Variants in FBXL17 observed in about 807,000 individuals in gnomAD.
FBXL17 encodes the protein F-box and leucine rich repeat protein 17, also known as F-box/LRR-repeat protein 17.
In FBXL17, 22 loss-of-function variants were observed where a neutral mutation model predicts 66.2. The ratio of observed to expected loss-of-function variants is 0.33; its 90% CI spans 0.24 to 0.47. The LOEUF (loss-of-function observed/expected upper bound fraction) is 0.47. Among genes scored for constraint, FBXL17 ranks in the 20% least tolerant of loss-of-function variants. The pLI is 1.00. For missense variants in FBXL17, 878 were observed against 948.2 expected (o/e 0.93, Z 0.97); for synonymous variants, 474 against 400.5 (o/e 1.18, Z -2.19).
chr5:108,364,822 A>C lies in FBXL17; in HGVS notation c.1290T>G (p.Ile430Met). The change falls in exon 3 of 9, where the codon ATT becomes ATG. Residue 430 changes from isoleucine to methionine, a missense_variant. Ile to Met is a conservative substitution (Grantham distance 10, BLOSUM62 1). This residue lies in a region of FBXL17 where 236 missense variants were observed against 389.1 expected (regional missense o/e 0.61). Coordinates refer to ENST00000542267, the MANE Select transcript of FBXL17 (RefSeq NM_001163315.3). ...AAGGACAGTGAGAGGCAACCGCAAT[A>C]ATAGAGGTGTCAGAAAGCTGTTTAC... is the stretch of plus-strand genomic sequence containing the variant. ...YRCKQLSDTS[I>M]IAVASHCPLL... The C allele has an allele frequency of 1.1e-5, 18 of 1,612,898 alleles. No homozygotes were observed. Among genetic ancestry groups the C allele is most frequent in the Non-Finnish European group, 1.4e-5 (17 of 1,179,128 alleles).
chr5:108,064,710 T>C lies in FBXL17; in HGVS notation c.1746-43709A>G, dbSNP rs188572870. On this transcript the variant is annotated intron_variant, in intron 6 of 8. Coordinates refer to ENST00000542267, the MANE Select transcript of FBXL17 (RefSeq NM_001163315.3). ...TGAATTGCTAGTCTTGTCAGATTAG[T>C]TATTCTCACCCACTCAGAAATTTAT... Among the ~76,000 whole-genome samples, 344 of 152,340 alleles carry C rather than the reference T, an allele frequency of 2.3e-3. 4 individuals carry two copies. Among genetic ancestry groups the C allele is most frequent in the Non-Finnish European group, 1.6e-3 (109 of 68,028 alleles).
chr5:108,366,567 T>C (rs144987427), intron 2 of FBXL17, among the ~76,000 whole-genome samples: 1,861 of 97,454 alleles, frequency 0.019, 42 homozygotes, highest in African/African-American at 0.067. Context: ...GCGGGCTGGG[T>C]GGGGAGGGGG....
chr5:108,129,948 T>C (rs1750867603), intron 6 of FBXL17, among the ~76,000 whole-genome samples: 1 of 123,930 alleles, frequency 8.1e-6, no homozygotes, highest in African/African-American at 3.2e-5. Context: ...AAGTGACCAA[T>C]GTGATAATCA....
At chr5:108,346,185 G>C (rs570031076) in intron 4 of FBXL17, among the ~76,000 whole-genome samples, 36 of 152,152 alleles carry the variant, frequency 2.4e-4, no homozygotes, top group African/African-American at 8.7e-4. Context: ...TAGGAGGTTA[G>C]TTATCAATAT....
At chr5:107,900,177 G>A (rs1298818683) in intron 7 of FBXL17, among the ~76,000 whole-genome samples, 2 of 152,100 alleles carry the variant, frequency 1.3e-5, no homozygotes, top group Non-Finnish European at 2.9e-5. Context: ...GCTAAAATAA[G>A]TTTATTAACA....
chr5:108,246,922 G>A (rs1756124966), intron 4 of FBXL17, among the ~76,000 whole-genome samples: 1 of 152,048 alleles, frequency 6.6e-6, no homozygotes, highest in Non-Finnish European at 1.5e-5. Flanking sequence ...TGAAATATTA[G>A]GTAATTTGTA....
At chr5:108,373,078 A>G (rs1409453848) in intron 1 of FBXL17, among the ~76,000 whole-genome samples, 1 of 151,164 alleles carries the variant, frequency 6.6e-6, no homozygotes, top group Non-Finnish European at 1.5e-5. Flanking sequence ...CTAAATTGTT[A>G]TAATATATAG....
intron 7 of FBXL17, among the ~76,000 whole-genome samples, chr5:107,886,661 G>A (rs905385637): frequency 6.6e-6 from 1 of 152,000 alleles, no homozygotes; most frequent in Non-Finnish European, 1.5e-5. Context: ...GGAACAATCT[G>A]AGCATCAAAA....
chr5:108,229,641 G>C (rs2966798), intron 4 of FBXL17, among the ~76,000 whole-genome samples: 151,861 of 152,286 alleles, frequency 1, 75,721 homozygotes, highest in Middle Eastern at 1. Context: ...AAAAACCCTT[G>C]TAGACACTGG....
At chr5:108,214,319 T>G (rs937391973) in intron 5 of FBXL17, among the ~76,000 whole-genome samples, 1 of 152,014 alleles carries the variant, frequency 6.6e-6, no homozygotes, top group Non-Finnish European at 1.5e-5. Flanking sequence ...AGTAGAATAT[T>G]TTAATTTTCA....
chr5:108,033,972 A>G (rs1746742273), intron 6 of FBXL17, among the ~76,000 whole-genome samples: 1 of 152,202 alleles, frequency 6.6e-6, no homozygotes, highest in Non-Finnish European at 1.5e-5. Flanking sequence ...TGTACAAGAC[A>G]TAAAAATATA....
intron 6 of FBXL17, among the ~76,000 whole-genome samples, chr5:108,166,211 T>C (rs567096988): frequency 1.6e-4 from 25 of 152,330 alleles, no homozygotes; most frequent in African/African-American, 5.5e-4. Context: ...ATAATCAAAT[T>C]TGGAGAGCTG....
At chr5:108,053,536 A>T (rs952790872) in intron 6 of FBXL17, among the ~76,000 whole-genome samples, 1 of 152,160 alleles carries the variant, frequency 6.6e-6, no homozygotes, top group South Asian at 2.1e-4. Context: ...TGATCATTGG[A>T]GACATGTAAA....
chr5:108,056,290 T>C (rs532353972), intron 6 of FBXL17, among the ~76,000 whole-genome samples: 1 of 152,314 alleles, frequency 6.6e-6, no homozygotes, highest in East Asian at 1.9e-4. Context: ...GGTCAGAGAC[T>C]TGCCTCTCAA....
Position 108,381,812 on chromosome 5 carries a change from ACACACACG to A in FBXL17, c.-129_-122del, listed in dbSNP as rs1561572645. 6 of 1,335,128 alleles carry A rather than the reference ACACACACG, an allele frequency of 4.5e-6. No individual in the cohort carries two copies. Among genetic ancestry groups the A allele is most frequent in the East Asian group, 3.1e-5 (1 of 31,952 alleles). 82.7% of individuals were successfully genotyped at this position (1,335,128 alleles called of 1,614,324 possible). On this transcript the variant is annotated 5_prime_UTR_variant, in exon 1 of 9. Transcript: ENST00000542267. ...CCCGGAGGGGTCGCCCTTCCTGCGC[ACACACACG>A]CACACACGGGCACACACGCGACGGT...
At chr5:108,201,923 G>A (rs1045295245) in intron 5 of FBXL17, among the ~76,000 whole-genome samples, 1 of 150,944 alleles carries the variant, frequency 6.6e-6, no homozygotes, top group African/African-American at 2.4e-5. Context: ...GACCTCATGT[G>A]TTAGAGACCA....
At chr5:107,881,004 T>C (rs778498934) in intron 8 of FBXL17, 33 bp downstream of exon 8, 5 of 1,614,050 alleles carry the variant, frequency 3.1e-6, no homozygotes, top group Non-Finnish European at 1.7e-6. Flanking sequence ...TACTGATATG[T>C]AGAAAGCAAA....
At chr5:108,040,431 T>C (rs1747002528) in intron 6 of FBXL17, among the ~76,000 whole-genome samples, 1 of 152,198 alleles carries the variant, frequency 6.6e-6, no homozygotes. Flanking sequence ...TCTAGTGATA[T>C]ATGATTTTTA....
rs542601939 is a variant in FBXL17 at position 108,067,345 on chromosome 5, A to T, written c.1746-46344T>A. 1.4e-4 allele frequency among the ~76,000 whole-genome samples: 21 copies of T among 152,274 alleles called. No homozygotes were observed. In the East Asian group the frequency reaches 3.5e-3, roughly 25 times the overall value. ...ACTATATCATTTTGTTCCGATTAGT[A>T]AGCATAGAACCTCACAAATTGGAGG... On this transcript the variant is annotated intron_variant, in intron 6 of 8. Coordinates refer to ENST00000542267, the MANE Select transcript of FBXL17 (RefSeq NM_001163315.3).
Sources: allele counts gnomAD v4.1 joint callset (sites outside exome capture counted in the v4.1 genomes callset), GRCh38; gene constraint gnomAD v4.1.1; regional missense constraint gnomAD v4.1.1; transcripts MANE v1.5; gene names NCBI Gene and HGNC (gene_info 2026-07-23, HGNC 2026-07-21).